TLL1: variants seen among roughly 807,000 people sequenced by gnomAD.
TLL1 encodes the protein tolloid like 1.
Under a neutral mutation model 128.2 loss-of-function variants are expected in TLL1, and 49 were observed. That is an observed-to-expected ratio of 0.38 (90% CI 0.30 to 0.48). The LOEUF is 0.48. Ranked by LOEUF, TLL1 falls within the 20% of genes least tolerant of loss-of-function variation. TLL1 has a pLI of 0.96. For missense variants in TLL1, 1,123 were observed against 1,242.0 expected (o/e 0.90, Z 1.44); for synonymous variants, 454 against 418.8 (o/e 1.08, Z -1.03).
intron 8 of TLL1, among the ~76,000 whole-genome samples, chr4:166,018,025 G>A (rs1463949953): frequency 6.6e-6 from 1 of 152,156 alleles, no homozygotes; most frequent in Non-Finnish European, 1.5e-5. Flanking sequence ...TGACTCATCT[G>A]TGAACAACCC....
At chr4:166,026,345 A>G (rs1230047352) in intron 9 of TLL1, among the ~76,000 whole-genome samples, 1 of 151,890 alleles carries the variant, frequency 6.6e-6, no homozygotes, top group African/African-American at 2.4e-5. Context: ...CTGAAATCCC[A>G]TACCACCACT....
intron 1 of TLL1, among the ~76,000 whole-genome samples, chr4:165,905,564 G>C (rs1732209786): frequency 6.6e-6 from 1 of 152,068 alleles, no homozygotes; most frequent in African/African-American, 2.4e-5. Flanking sequence ...CTCCTGTTTA[G>C]ATCTTATCTC....
Position 166,060,060 on chromosome 4 carries a change from G to A in TLL1, c.1879G>A (p.Gly627Ser), listed in dbSNP as rs565356664. 3.6e-5 allele frequency: 58 copies of A among 1,613,054 alleles called. No homozygotes were observed. The African/African-American group carries it at 5.9e-4, about 16-fold the overall frequency. Reference sequence around the variant, plus strand: ...TGGTGGACTTCTTACCAAACTTAACGGCACCATAACCACCCCTGGCTGGCC... The same window carrying A: ...TGGTGGACTTCTTACCAAACTTAACAGCACCATAACCACCCCTGGCTGGCC... ...ACGGLLTKLN[G>S]TITTPGWPKE... The change falls in exon 15 of 21, where the codon GGC becomes AGC. Residue 627 changes from glycine to serine, a missense_variant. Around this residue, in one of 3 missense-constraint regions of TLL1, gnomAD observed 634 missense variants for 672.4 expected, o/e 0.94. Transcript: ENST00000061240.
chr4:165,893,668 G>GA (rs1037918714), intron 1 of TLL1, among the ~76,000 whole-genome samples: 2 of 151,966 alleles, frequency 1.3e-5, no homozygotes, highest in African/African-American at 2.4e-5. Flanking sequence ...AAAGAAAAAA[G>GA]AAAAAAAATT....
chr4:165,890,598 T>C (rs1286172949), intron 1 of TLL1, among the ~76,000 whole-genome samples: 1 of 152,212 alleles, frequency 6.6e-6, no homozygotes, highest in African/African-American at 2.4e-5. Context: ...TCTGAAATGA[T>C]CTCCTTTGAC....
At chr4:165,987,475 C>G (rs996942754) in intron 1 of TLL1, among the ~76,000 whole-genome samples, 1 of 152,070 alleles carries the variant, frequency 6.6e-6, no homozygotes, top group African/African-American at 2.4e-5. Context: ...AAACCACCCT[C>G]TTAGCTAGTG....
At chr4:165,986,374 A>G (rs1736393704) in intron 1 of TLL1, among the ~76,000 whole-genome samples, 1 of 152,084 alleles carries the variant, frequency 6.6e-6, no homozygotes, top group Admixed American at 6.6e-5. Flanking sequence ...TGTGTGCAGT[A>G]TGAAGAAAGA....
intron 1 of TLL1, among the ~76,000 whole-genome samples, chr4:165,874,647 T>G (rs1730643384): frequency 6.6e-6 from 1 of 152,224 alleles, no homozygotes; most frequent in African/African-American, 2.4e-5. Context: ...TAGATGGGAT[T>G]CTGATGCATT....
intron 6 of TLL1, among the ~76,000 whole-genome samples, chr4:166,006,527 A>G (rs573201380): frequency 6.6e-6 from 1 of 151,940 alleles, no homozygotes; most frequent in East Asian, 1.9e-4. Flanking sequence ...TTACAGGTTA[A>G]TAAGTATAAA....
intron 1 of TLL1, among the ~76,000 whole-genome samples, chr4:165,903,976 T>C (rs906694982): frequency 6.6e-6 from 1 of 152,118 alleles, no homozygotes; most frequent in Non-Finnish European, 1.5e-5. Flanking sequence ...AAAAATCTCA[T>C]TTAGTCTTTT....
chr4:165,873,781 G>A lies in TLL1; in HGVS notation c.-124G>A. On this transcript the variant is annotated 5_prime_UTR_variant, in exon 1 of 21. Coordinates refer to ENST00000061240, the MANE Select transcript of TLL1 (RefSeq NM_012464.5). ...ATGTTTCCGGACACCTGAGCACCCC[G>A]GTCCCGCCGAGGAGCCTCCGGGTGG... is the stretch of plus-strand genomic sequence containing the variant. The A allele has an allele frequency of 2.8e-6, 3 of 1,085,528 alleles. No individual in the cohort carries two copies. Among genetic ancestry groups the A allele is most frequent in the Admixed American group, 1.9e-5 (1 of 53,472 alleles). The allele number at this position is 1,085,528 out of a possible 1,614,324, so 67.2% of individuals were successfully genotyped here.
chr4:165,929,147 C>T (rs889719018), intron 1 of TLL1, among the ~76,000 whole-genome samples: 1 of 152,148 alleles, frequency 6.6e-6, no homozygotes. Context: ...TCAAATGCTG[C>T]TCAGCATTGT....
At chr4:165,988,511 C>T (rs1473387614) in intron 1 of TLL1, among the ~76,000 whole-genome samples, 2 of 151,936 alleles carry the variant, frequency 1.3e-5, no homozygotes, top group African/African-American at 4.8e-5. Flanking sequence ...TGTCTGTAGT[C>T]GCAGCTACTT....
chr4:166,031,363 CTTTT>C (rs35799879), intron 9 of TLL1, among the ~76,000 whole-genome samples: 2 of 102,274 alleles, frequency 2.0e-5, no homozygotes, highest in Admixed American at 1.1e-4. Flanking sequence ...ATTGCAAGGT[CTTTT>C]TTTTTTTTTT....
At chr4:165,915,429 G>C (rs748288813) in intron 1 of TLL1, among the ~76,000 whole-genome samples, 2 of 152,328 alleles carry the variant, frequency 1.3e-5, no homozygotes, top group East Asian at 3.9e-4. Flanking sequence ...GTGATCTGAT[G>C]AATTACAGGT....
At chr4:165,878,954 G>A (rs34763939) in intron 1 of TLL1, among the ~76,000 whole-genome samples, 1 of 99,800 alleles carries the variant, frequency 1.0e-5, no homozygotes, top group Non-Finnish European at 1.9e-5. Flanking sequence ...TTTTTTCTGA[G>A]ACAGGACCTC....
intron 18 of TLL1, 137 bp from the exon 19 acceptor site, chr4:166,090,991 T>A (rs1183016908): frequency 3.0e-6 from 2 of 671,104 alleles, no homozygotes; most frequent in African/African-American, 3.6e-5. Context: ...TTCACCTTTC[T>A]TAATTATGCT....
Position 166,104,056 on chromosome 4 carries a change from AAT to A in TLL1, c.*3183_*3184del, listed in dbSNP as rs1380443190. Among the ~76,000 whole-genome samples the A allele has an allele frequency of 6.6e-6, 1 of 151,892 alleles. No individual in the cohort carries two copies. The highest frequency in any genetic ancestry group is 1.9e-4 in the East Asian group (1 of 5,150). On this transcript the variant is annotated 3_prime_UTR_variant, in exon 21 of 21. Transcript: ENST00000061240. ...ATTTTTGCTACCTGTCGCTCATTTTAATATGTCACAGTATGAGATTCAAATTC... is the reference window on the plus strand; with the variant it reads ...ATTTTTGCTACCTGTCGCTCATTTTAATGTCACAGTATGAGATTCAAATTC...
intron 1 of TLL1, among the ~76,000 whole-genome samples, chr4:165,923,024 CA>C (rs1223049628): frequency 1.3e-5 from 2 of 152,196 alleles, no homozygotes; most frequent in East Asian, 1.9e-4. Flanking sequence ...GGAAACATTA[CA>C]AAAAAAGTGC....
Sources: gnomAD v4.1 joint callset for allele counts (sites outside exome capture counted in the v4.1 genomes callset) on GRCh38, gnomAD v4.1.1 for gene constraint, gnomAD v4.1.1 regional missense constraint, MANE v1.5 for transcripts, NCBI Gene and HGNC (gene_info 2026-07-23, HGNC 2026-07-21) for gene names.